The following SMC3 variants were observed in gnomAD, a reference collection of about 807,000 sequenced individuals.
The protein encoded by SMC3 is structural maintenance of chromosomes protein 3.
A neutral mutation model predicts 171.8 loss-of-function variants in SMC3; 20 were observed. The observed-to-expected ratio is 0.12, with a 90% confidence interval of 0.08 to 0.17. The LOEUF is 0.17. SMC3 is among the 10% of genes least tolerant of loss of function. SMC3 has a pLI of 1.00. For synonymous variants in SMC3, 464 were observed against 451.1 expected, an observed-to-expected ratio of 1.03 and a Z score of -0.36; for missense variants, 543 against 1,420.4, an observed-to-expected ratio of 0.38 and a Z score of 9.93.
intron 26 of SMC3, 35 bp from the exon 27 acceptor site, chr10:110,602,790 T>C: frequency 1.2e-6 from 2 of 1,602,356 alleles, no homozygotes; most frequent in Non-Finnish European, 1.7e-6. Context: ...GATTCTGCCC[T>C]TTAGGATATT....
chr10:110,584,093 T>G, intron 12 of SMC3, 90 bp from the exon 13 acceptor site: 1 of 1,523,354 alleles, frequency 6.6e-7, no homozygotes, highest in Non-Finnish European at 9.1e-7. Flanking sequence ...AAAAATGGCT[T>G]TATGTTTCTG....
Position 110,598,269 on chromosome 10 carries a change from A to C in SMC3, c.2247A>C (p.Ser749=). Residue 749 remains serine, a synonymous_variant, in exon 20 of 29, where the codon TCA becomes TCC. Transcript: ENST00000361804. The stretch of plus-strand genomic sequence containing the variant: ...TGCTAAAAGAGAAGAGGCAGCAGTC[A>C]GAGAAAACCTTCATGCCTAAGGTTC... The part of the protein sequence containing the change: ...MKMLKEKRQQ[S]EKTFMPKQRS... 6.2e-7 allele frequency: 1 copy of C among 1,614,062 alleles called. No individual in the cohort carries two copies. The highest frequency in any genetic ancestry group is 8.5e-7 in the Non-Finnish European group (1 of 1,179,970).
rs533794517 is a variant in SMC3, at chr10:110,596,331, TG to T, written c.1964-66del. 2.0e-3 allele frequency: 2,863 copies of T among 1,440,612 alleles called. 12 individuals are homozygous for T. Among genetic ancestry groups the T allele is most frequent in the Non-Finnish European group, 2.0e-3 (2,142 of 1,056,418 alleles). 89.2% of individuals were successfully genotyped at this position (1,440,612 alleles called of 1,614,324 possible). On this transcript the variant is annotated intron_variant, in intron 18 of 28. Coordinates refer to ENST00000361804, the MANE Select transcript of SMC3 (RefSeq NM_005445.4). ...CTTAAAGCCTGTAGGTTAGTTTTTT[TG>T]TTATAAGTCAATTTATCATTGAATA...
At chr10:110,569,222 T>C (rs560619301) in intron 2 of SMC3, among the ~76,000 whole-genome samples, 51 of 148,506 alleles carry the variant, frequency 3.4e-4, no homozygotes, top group African/African-American at 1.3e-3. Flanking sequence ...TCATAAGTTA[T>C]CCATTTTTTA....
intron 2 of SMC3, among the ~76,000 whole-genome samples, chr10:110,573,155 C>T (rs147519809): frequency 6.6e-6 from 1 of 152,228 alleles, no homozygotes; most frequent in East Asian, 1.9e-4. Flanking sequence ...TTTCACTAAA[C>T]ACACTTAAAA....
intron 7 of SMC3, among the ~76,000 whole-genome samples, chr10:110,579,707 G>C (rs1005486616): frequency 6.6e-6 from 1 of 152,150 alleles, no homozygotes; most frequent in Admixed American, 6.6e-5. Flanking sequence ...TGGCACATAT[G>C]TTGTAGCCAT....
At chr10:110,599,003 A>C (rs967574368) in intron 20 of SMC3, among the ~76,000 whole-genome samples, 2 of 152,172 alleles carry the variant, frequency 1.3e-5, no homozygotes, top group Middle Eastern at 6.8e-3. Context: ...AGTTTTGACA[A>C]ATCTTTTACT....
chr10:110,577,700 T>A (rs1029408260), intron 5 of SMC3, 135 bp from the exon 6 acceptor site: 4 of 709,066 alleles, frequency 5.6e-6, no homozygotes, highest in Non-Finnish European at 9.6e-6. Flanking sequence ...TATTGAGTAT[T>A]TGTAGTATTA....
In SMC3 at chr10:110,585,425, A is replaced by T. The variant is rs554775410; in HGVS notation, c.1305+1029A>T. Among the ~76,000 whole-genome samples the T allele has an allele frequency of 4.0e-5, 6 of 150,470 alleles. No individual in the cohort carries two copies. The South Asian group carries it at 1.3e-3, about 31-fold the overall frequency. The stretch of plus-strand genomic sequence containing the variant: ...TGCCTCAGCCTCCCGAGTGGCTGGG[A>T]TTACAGGTGCCTGCCACCACGCCCG... On this transcript the variant is annotated intron_variant, in intron 13 of 28. Transcript: ENST00000361804.
chr10:110,584,444 ATG>A (rs746646947), intron 13 of SMC3, 48 bp downstream of exon 13: 11 of 1,370,834 alleles, frequency 8.0e-6, no homozygotes, highest in African/African-American at 5.8e-5. Context: ...GAAGAGATAA[ATG>A]TGTTTAGTTT....
chr10:110,568,809 A>G (rs1860823815), intron 1 of SMC3, 129 bp from the exon 2 acceptor site: 2 of 654,760 alleles, frequency 3.1e-6, no homozygotes, highest in Admixed American at 5.5e-5. Context: ...ACTTTCCAAA[A>G]TGAATTTTTC....
At chr10:110,597,005 A>C (rs1305411698) in intron 19 of SMC3, among the ~76,000 whole-genome samples, 1 of 152,008 alleles carries the variant, frequency 6.6e-6, no homozygotes, top group Non-Finnish European at 1.5e-5. Context: ...TTGTACTTGT[A>C]CAGTGGCACA....
chr10:110,568,037 C>T (rs1237816940), intron 1 of SMC3, among the ~76,000 whole-genome samples: 1 of 152,218 alleles, frequency 6.6e-6, no homozygotes, highest in African/African-American at 2.4e-5. Context: ...TCCTTTGCAG[C>T]CCCGGCCTCC....
At chr10:110,577,522 G>T in intron 5 of SMC3, 30 bp downstream of exon 5, 1 of 1,466,550 alleles carries the variant, frequency 6.8e-7, no homozygotes, top group South Asian at 1.1e-5. Context: ...AAGTAATGTT[G>T]AGAATTTAAT....
chr10:110,598,848 C>T (rs900970072), intron 20 of SMC3, among the ~76,000 whole-genome samples: 3 of 152,110 alleles, frequency 2.0e-5, no homozygotes, highest in African/African-American at 7.2e-5. Context: ...AGAGTACTGT[C>T]TGATGGTCAG....
In SMC3 at chr10:110,605,502, T is replaced by C. The variant is rs778380946; in HGVS notation, c.*1200T>C. 1.3e-5 allele frequency among the ~76,000 whole-genome samples: 2 copies of C among 152,186 alleles called. No homozygotes were observed. The highest frequency in any genetic ancestry group is 2.1e-4 in the South Asian group (1 of 4,828). On this transcript the variant is annotated 3_prime_UTR_variant, in exon 29 of 29. Transcript: ENST00000361804. The stretch of plus-strand genomic sequence containing the variant: ...TTTGTTAGGAGCTACTCTTCCATCA[T>C]TGGAAACCAGAAATACCTAAAGAGA...
rs1861369437 is a variant in SMC3 at position 110,600,520 on chromosome 10, A to C, written c.2509A>C (p.Arg837=). Residue 837 remains arginine (R), a synonymous_variant, in exon 22 of 29, where the codon AGA becomes CGA. Coordinates refer to ENST00000361804, the MANE Select transcript of SMC3 (RefSeq NM_005445.4). ...AGAGACTTATCTCAATGAGAATCTG[A>C]GAAAACGCTTGGACCAAGTAGAACA... ...RVETYLNENL[R]KRLDQVEQEL... is the part of the protein sequence containing the mutation. 6.3e-7 allele frequency: 1 copy of C among 1,582,670 alleles called. No individual in the cohort carries two copies. Among genetic ancestry groups the C allele is most frequent in the Non-Finnish European group, 8.7e-7 (1 of 1,151,672 alleles).
At chr10:110,580,770 A>G in intron 7 of SMC3, 134 bp from the exon 8 acceptor site, 1 of 699,188 alleles carries the variant, frequency 1.4e-6, no homozygotes, top group Non-Finnish European at 2.6e-6. Flanking sequence ...TAAAATCTGT[A>G]ACACTTCTGG....
intron 13 of SMC3, among the ~76,000 whole-genome samples, chr10:110,586,187 C>G (rs760996829): frequency 1.3e-5 from 2 of 152,116 alleles, no homozygotes; most frequent in Non-Finnish European, 1.5e-5. Flanking sequence ...AAAGAAAGAG[C>G]TGTTTACTTT....
Sources: allele counts gnomAD v4.1 joint callset (sites outside exome capture counted in the v4.1 genomes callset), GRCh38; gene constraint gnomAD v4.1.1; transcripts MANE v1.5; gene names NCBI Gene and HGNC (gene_info 2026-07-23, HGNC 2026-07-21).